The following DNAH14 variants were observed in gnomAD, a reference collection of about 807,000 sequenced individuals.
DNAH14 encodes the protein axonemal beta dynein heavy chain 14.
In DNAH14, 478 loss-of-function variants were observed where a neutral mutation model predicts 520.9. That is an observed-to-expected ratio of 0.92 (90% CI 0.85 to 0.99). The LOEUF (loss-of-function observed/expected upper bound fraction) is 0.99, where lower values mean the gene tolerates loss of function less well. Among genes scored for constraint, DNAH14 ranks in the 50% least tolerant of loss-of-function variants. DNAH14 has a pLI of 0.00. For missense variants in DNAH14, 4,831 were observed against 5,234.5 expected, an observed-to-expected ratio of 0.92 and a Z score of 2.38; for synonymous variants, 1,581 against 1,757.2, an observed-to-expected ratio of 0.90 and a Z score of 2.51.
chr1:225,289,963 C>T lies in DNAH14; in HGVS notation c.8350C>T (p.Pro2784Ser). ...YLTDNKLYRV[P>S]ISHKCAYIEF... ...GACAGATAATAAACTATACCGAGTG[C>T]CTATATCTCACAAATGTGCCTACAT... Residue 2784 changes from proline (P) to serine (S), a missense_variant, in exon 55 of 86, where the codon CCT becomes TCT. Pro to Ser is a moderately conservative substitution (Grantham distance 74, BLOSUM62 -1). Coordinates refer to ENST00000682510, the MANE Select transcript of DNAH14 (RefSeq NM_001367479.1). 1.3e-6 allele frequency: 2 copies of T among 1,541,950 alleles called. No homozygotes were observed. The highest frequency in any genetic ancestry group is 1.8e-6 in the Non-Finnish European group (2 of 1,141,962).
At chr1:225,305,202 GC>G in intron 58 of DNAH14, 113 bp downstream of exon 58, 1 of 1,183,756 alleles carries the variant, frequency 8.4e-7, no homozygotes, top group Non-Finnish European at 1.2e-6. Context: ...GGGACAAAAA[GC>G]CAGAAGCTGC....
At chr1:225,002,176 TG>T (rs2063820116) in intron 8 of DNAH14, among the ~76,000 whole-genome samples, 1 of 152,124 alleles carries the variant, frequency 6.6e-6, no homozygotes, top group African/African-American at 2.4e-5. Context: ...TTGCTTTACT[TG>T]ATCCAATTTT....
rs2081177004 is a variant in DNAH14 at position 225,157,741 on chromosome 1, G to A, written c.5274-1573G>A. Among the ~76,000 whole-genome samples, 3 of 151,942 alleles carry A rather than the reference G, an allele frequency of 2.0e-5. No individual in the cohort carries two copies. In the South Asian group the frequency reaches 6.2e-4, roughly 32 times the overall value. ...CATTCCCTAGGACCCCAAAAATAAA[G>A]TCTGGAACCCTTTTTTGCTCTGATG... On this transcript the variant is annotated intron_variant, in intron 34 of 85. Coordinates refer to ENST00000682510, the MANE Select transcript of DNAH14 (RefSeq NM_001367479.1).
intron 41 of DNAH14, among the ~76,000 whole-genome samples, chr1:225,209,910 C>A (rs2149444028): frequency 6.6e-6 from 1 of 152,236 alleles, no homozygotes; most frequent in South Asian, 2.1e-4. Context: ...AGGGAACTCC[C>A]TCCCCTAGCC....
intron 8 of DNAH14, among the ~76,000 whole-genome samples, chr1:224,998,870 T>A (rs924307713): frequency 6.6e-6 from 1 of 152,212 alleles, no homozygotes; most frequent in Non-Finnish European, 1.5e-5. Context: ...TCTCCAGCTG[T>A]AATTGTGGAT....
rs781191887 is a variant in DNAH14 at position 224,960,204 on chromosome 1, C to G, written c.269C>G (p.Ala90Gly). The change falls in exon 4 of 86, where the codon GCT becomes GGT. Residue 90 changes from alanine to glycine, a missense_variant. By Grantham distance (60) the Ala-to-Gly change is moderately conservative. Coordinates refer to ENST00000682510, the MANE Select transcript of DNAH14 (RefSeq NM_001367479.1). ...IQQHMVSPEPASLKEKGKSRR... is the reference protein window; with the variant it reads ...IQQHMVSPEPGSLKEKGKSRR... ...CAACATATGGTTTCTCCAGAGCCAG[C>G]TTCCCTTAAGGAGAAAGGGAAGTCA... 1 of 1,608,628 alleles carries G rather than the reference C, an allele frequency of 6.2e-7. No homozygotes were observed. The highest frequency in any genetic ancestry group is 1.1e-5 in the South Asian group (1 of 89,982).
intron 22 of DNAH14, among the ~76,000 whole-genome samples, chr1:225,099,496 C>T (rs2075269708): frequency 6.6e-6 from 1 of 151,976 alleles, no homozygotes; most frequent in Non-Finnish European, 1.5e-5. Flanking sequence ...TGGGTATAGG[C>T]CAGGATATTG....
chr1:225,274,194 G>GTTTTTTTTTTTTTTTTTTTTTTT (rs1193834939), intron 52 of DNAH14, among the ~76,000 whole-genome samples: 6 of 120,308 alleles, frequency 5.0e-5, no homozygotes, highest in African/African-American at 6.8e-5. Flanking sequence ...ACCAGCATCT[G>GTTTTTTTTTTTTTTTTTTTTTTT]TTATTTTTTT....
chr1:225,327,836 A>AAGAG (rs569225713), intron 64 of DNAH14, among the ~76,000 whole-genome samples: 1 of 151,678 alleles, frequency 6.6e-6, no homozygotes, highest in African/African-American at 2.4e-5. Context: ...GGGAAACAAA[A>AAGAG]AGAGAGAGAG....
At chr1:225,227,570 ATC>A (rs964777248) in intron 41 of DNAH14, among the ~76,000 whole-genome samples, 4 of 152,096 alleles carry the variant, frequency 2.6e-5, no homozygotes, top group Admixed American at 2.6e-4. Flanking sequence ...TAACAGTCTG[ATC>A]TCTCTTTCTT....
At chr1:225,148,663 G>A (rs1234602671) in intron 31 of DNAH14, among the ~76,000 whole-genome samples, 1 of 152,068 alleles carries the variant, frequency 6.6e-6, no homozygotes, top group Non-Finnish European at 1.5e-5. Context: ...GCCTCTCAAA[G>A]TGCTGGGATT....
At chr1:225,266,104 A>G (rs985547057) in intron 48 of DNAH14, among the ~76,000 whole-genome samples, 1 of 152,148 alleles carries the variant, frequency 6.6e-6, no homozygotes, top group Admixed American at 6.5e-5. Context: ...GTGGACATTA[A>G]CACAGGTTTA....
chr1:224,954,106 GA>G (rs1050326015), intron 2 of DNAH14, among the ~76,000 whole-genome samples: 6 of 151,424 alleles, frequency 4.0e-5, no homozygotes, highest in Non-Finnish European at 3.0e-5. Flanking sequence ...ACCAAAAAAA[GA>G]AAAAAAGGTG....
chr1:225,308,261 A>T, intron 59 of DNAH14, 24 bp from the exon 60 acceptor site: 1 of 1,520,170 alleles, frequency 6.6e-7, no homozygotes, highest in Non-Finnish European at 8.8e-7. Context: ...AATTCATTCT[A>T]AGAACAATTA....
intron 20 of DNAH14, among the ~76,000 whole-genome samples, chr1:225,084,053 G>A (rs1188310933): frequency 6.6e-6 from 1 of 152,076 alleles, no homozygotes; most frequent in Non-Finnish European, 1.5e-5. Flanking sequence ...GTTCCAATGA[G>A]CTATTACATG....
At chr1:225,389,200 C>T (rs925834477) in intron 82 of DNAH14, among the ~76,000 whole-genome samples, 3 of 152,216 alleles carry the variant, frequency 2.0e-5, no homozygotes, top group South Asian at 4.1e-4. Flanking sequence ...GTTCTCACAG[C>T]AGCCCTGTGA....
intron 84 of DNAH14, 90 bp downstream of exon 84, chr1:225,392,541 C>A: frequency 6.9e-7 from 1 of 1,454,022 alleles, no homozygotes; most frequent in Non-Finnish European, 9.2e-7. Context: ...AACCTTTACT[C>A]AGCACTTACC....
chr1:225,013,235 G>A (rs964765938), intron 10 of DNAH14, among the ~76,000 whole-genome samples: 8 of 152,008 alleles, frequency 5.3e-5, no homozygotes, highest in African/African-American at 1.9e-4. Flanking sequence ...TCATCTGTAG[G>A]TCTGCTGGAG....
chr1:224,992,448 A>G (rs1572308379), intron 8 of DNAH14, among the ~76,000 whole-genome samples: 1 of 152,060 alleles, frequency 6.6e-6, no homozygotes, highest in Non-Finnish European at 1.5e-5. Flanking sequence ...GATTAAATTT[A>G]TTCCTAAGTA....
Sources: gnomAD v4.1 joint callset for allele counts (sites outside exome capture counted in the v4.1 genomes callset) on GRCh38, gnomAD v4.1.1 for gene constraint, MANE v1.5 for transcripts, NCBI Gene and HGNC (gene_info 2026-07-23, HGNC 2026-07-21) for gene names.